PDGFC: variants seen among roughly 807,000 people sequenced by gnomAD.
PDGFC encodes platelet-derived growth factor C.
PDGFC carries 12 observed loss-of-function variants against 35.5 expected under a neutral mutation model. The observed-to-expected ratio is 0.34, with a 90% CI of 0.22 to 0.55. The LOEUF (loss-of-function observed/expected upper bound fraction) is 0.55. Ranked by LOEUF, PDGFC falls within the 20% of genes least tolerant of loss-of-function variation. The probability of loss-of-function intolerance (pLI) is 0.91; values close to 1 mark genes in which losing one functional copy is unlikely to be tolerated. For missense variants in PDGFC, 322 were observed against 412.4 expected (o/e 0.78, Z 1.90); for synonymous variants, 159 against 148.8 (o/e 1.07, Z -0.50).
At chr4:156,847,415 A>G (rs1411975901) in intron 2 of PDGFC, among the ~76,000 whole-genome samples, 1 of 151,814 alleles carries the variant, frequency 6.6e-6, no homozygotes, top group Non-Finnish European at 1.5e-5. Context: ...CTGGGGGGAC[A>G]TTCTACAAAA....
At chr4:156,924,479 A>T (rs1036989956) in intron 1 of PDGFC, among the ~76,000 whole-genome samples, 3 of 152,254 alleles carry the variant, frequency 2.0e-5, no homozygotes, top group African/African-American at 7.2e-5. Context: ...GGTAAGAGCC[A>T]TGCAGAGAAT....
At chr4:156,948,335 C>T (rs974309940) in intron 1 of PDGFC, among the ~76,000 whole-genome samples, 34 of 151,970 alleles carry the variant, frequency 2.2e-4, no homozygotes, top group African/African-American at 7.2e-4. Flanking sequence ...TTATAAACTG[C>T]CAAAAACAAC....
At position 156,971,400 on chromosome 4, in the gene PDGFC, T is replaced by A; in HGVS notation, c.-497A>T. On this transcript the variant is annotated 5_prime_UTR_variant, in exon 1 of 6. Coordinates refer to ENST00000502773, the MANE Select transcript of PDGFC (RefSeq NM_016205.3). ...ATAGATGCGGCTCTCCGGGCGCCCC[T>A]CTCCCCCGCCCCACCCCCCACCCCC... 1 of 315,856 alleles carries A rather than the reference T, an allele frequency of 3.2e-6. No individual in the cohort carries two copies. The allele number at this position is 315,856 out of a possible 1,614,324, so 19.6% of individuals were successfully genotyped here.
intron 1 of PDGFC, among the ~76,000 whole-genome samples, chr4:156,875,643 C>A (rs1208687866): frequency 1.3e-5 from 2 of 152,284 alleles, no homozygotes; most frequent in African/African-American, 2.4e-5. Context: ...TAAGGCCGGG[C>A]GCAGTGGCTC....
At chr4:156,812,000 A>T (rs892716601) in intron 2 of PDGFC, among the ~76,000 whole-genome samples, 4 of 152,124 alleles carry the variant, frequency 2.6e-5, no homozygotes, top group Non-Finnish European at 5.9e-5. Context: ...ACTACAGTTC[A>T]TCTAACTATA....
intron 1 of PDGFC, among the ~76,000 whole-genome samples, chr4:156,853,000 C>T (rs1475126204): frequency 6.6e-6 from 1 of 152,180 alleles, no homozygotes; most frequent in Non-Finnish European, 1.5e-5. Context: ...TCTGAATCTT[C>T]TAAGACCCTG....
chr4:156,836,255 C>T (rs540040692), intron 2 of PDGFC, among the ~76,000 whole-genome samples: 1 of 152,212 alleles, frequency 6.6e-6, no homozygotes, highest in Admixed American at 6.5e-5. Flanking sequence ...GTGATATGAG[C>T]ATCTGCCATG....
At chr4:156,917,611 T>C (rs575568998) in intron 1 of PDGFC, among the ~76,000 whole-genome samples, 1 of 152,356 alleles carries the variant, frequency 6.6e-6, no homozygotes, top group South Asian at 2.1e-4. Context: ...AGAATCAATA[T>C]GTTAGATTTG....
chr4:156,837,937 A>G (rs897589595), intron 2 of PDGFC, among the ~76,000 whole-genome samples: 3 of 152,128 alleles, frequency 2.0e-5, no homozygotes, highest in Non-Finnish European at 4.4e-5. Context: ...AGACTTGGTC[A>G]GATCCCCACC....
At chr4:156,916,606 C>T (rs1731161235) in intron 1 of PDGFC, among the ~76,000 whole-genome samples, 1 of 152,168 alleles carries the variant, frequency 6.6e-6, no homozygotes, top group African/African-American at 2.4e-5. Flanking sequence ...AAATATCAAG[C>T]TCTCTATGCT....
chr4:156,839,552 G>A (rs1729148446), intron 2 of PDGFC, among the ~76,000 whole-genome samples: 1 of 152,170 alleles, frequency 6.6e-6, no homozygotes, highest in Non-Finnish European at 1.5e-5. Flanking sequence ...GACTAATACA[G>A]TAAATTGGTA....
At chr4:156,919,464 T>C (rs1167642785) in intron 1 of PDGFC, among the ~76,000 whole-genome samples, 1 of 147,114 alleles carries the variant, frequency 6.8e-6, no homozygotes, top group African/African-American at 2.5e-5. Flanking sequence ...CAAGTGGCAG[T>C]CTGGTTCAAT....
intron 3 of PDGFC, among the ~76,000 whole-genome samples, chr4:156,777,458 T>C (rs1046747047): frequency 2.6e-5 from 4 of 152,128 alleles, no homozygotes; most frequent in African/African-American, 4.8e-5. Flanking sequence ...GACCCTAATC[T>C]AACATGATTG....
intron 1 of PDGFC, among the ~76,000 whole-genome samples, chr4:156,938,696 A>G (rs990550395): frequency 6.6e-6 from 1 of 152,012 alleles, no homozygotes; most frequent in African/African-American, 2.4e-5. Flanking sequence ...GCTGTGTAAG[A>G]AAATATTAAA....
chr4:156,838,685 C>G (rs925581325), intron 2 of PDGFC, among the ~76,000 whole-genome samples: 1 of 152,338 alleles, frequency 6.6e-6, no homozygotes, highest in Non-Finnish European at 1.5e-5. Context: ...TCTTCAGTAT[C>G]ATAATCTAAA....
intron 1 of PDGFC, among the ~76,000 whole-genome samples, chr4:156,877,606 T>C: frequency 6.6e-6 from 1 of 152,150 alleles, no homozygotes. Flanking sequence ...CGAGGCACTG[T>C]GGTAGTTAAA....
At chr4:156,897,801 C>A (rs1170184585) in intron 1 of PDGFC, among the ~76,000 whole-genome samples, 4 of 152,164 alleles carry the variant, frequency 2.6e-5, no homozygotes, top group African/African-American at 4.8e-5. Flanking sequence ...AAAAGTTACA[C>A]TCTGAAGAGA....
At chr4:156,865,126 T>C (rs1729806789) in intron 1 of PDGFC, among the ~76,000 whole-genome samples, 1 of 151,826 alleles carries the variant, frequency 6.6e-6, no homozygotes, top group African/African-American at 2.4e-5. Flanking sequence ...AAAAATAACT[T>C]TTTCATCATG....
chr4:156,935,858 C>G (rs1411472732), intron 1 of PDGFC, among the ~76,000 whole-genome samples: 1 of 151,982 alleles, frequency 6.6e-6, no homozygotes, highest in Non-Finnish European at 1.5e-5. Context: ...TTGTGTTAAA[C>G]AACATGAATA....
Sources: allele counts gnomAD v4.1 joint callset (sites outside exome capture counted in the v4.1 genomes callset), GRCh38; gene constraint gnomAD v4.1.1; transcripts MANE v1.5; gene names NCBI Gene and HGNC (gene_info 2026-07-23, HGNC 2026-07-21).